Variants in RNF157 observed in about 807,000 individuals in gnomAD.
The protein encoded by RNF157 is E3 ubiquitin ligase RNF157.
A neutral mutation model predicts 88.3 loss-of-function variants in RNF157; 55 were observed. The observed-to-expected ratio is 0.62, with a 90% confidence interval of 0.50 to 0.78. The LOEUF is 0.78. Ranked by LOEUF, RNF157 falls within the 30% of genes least tolerant of loss-of-function variation. The pLI is 0.00. For synonymous variants in RNF157, 334 were observed against 341.2 expected, an observed-to-expected ratio of 0.98 and a Z score of 0.23; for missense variants, 788 against 860.8, an observed-to-expected ratio of 0.92 and a Z score of 1.06.
intron 2 of RNF157, among the ~76,000 whole-genome samples, chr17:76,193,256 C>G (rs1348765230): frequency 6.6e-6 from 1 of 152,138 alleles, no homozygotes; most frequent in African/African-American, 2.4e-5. Flanking sequence ...GTTTTGAAAA[C>G]CATACAGTGC....
At chr17:76,215,345 T>C (rs997162521) in intron 1 of RNF157, among the ~76,000 whole-genome samples, 2 of 151,910 alleles carry the variant, frequency 1.3e-5, no homozygotes, top group Admixed American at 6.6e-5. Context: ...CATGGTAGCA[T>C]GCGTCTGGAG....
At chr17:76,215,089 C>T (rs532689051) in intron 1 of RNF157, among the ~76,000 whole-genome samples, 1 of 152,272 alleles carries the variant, frequency 6.6e-6, no homozygotes, top group South Asian at 2.1e-4. Flanking sequence ...AAAAGGCTTG[C>T]TTGTGTATAA....
Position 76,161,977 on chromosome 17 carries a change from T to C in RNF157, c.818A>G (p.Asn273Ser). 4 of 1,614,022 alleles carry C rather than the reference T, an allele frequency of 2.5e-6. No individual in the cohort carries two copies. Among genetic ancestry groups the C allele is most frequent in the Non-Finnish European group, 3.4e-6 (4 of 1,179,960 alleles). The change falls in exon 10 of 19, where the codon AAC becomes AGC. Residue 273 changes from asparagine (N) to serine (S), a missense_variant. Physicochemically the swap from Asn to Ser is conservative, Grantham distance 46. Transcript: ENST00000269391. This position sits in a 1 kb window ranked among gnomAD's most constrained non-coding sequence, Gnocchi z 4.6. The part of the protein sequence containing the change: ...SKVAEDEVSD[N>S]SAECVVCLSD... ...GAGACACACCACACACTCGGCACTG[T>C]TATCACTCACTTCGTCTTCAGCCAC...
At chr17:76,192,923 C>T (rs2144950306) in intron 2 of RNF157, among the ~76,000 whole-genome samples, 1 of 151,200 alleles carries the variant, frequency 6.6e-6, no homozygotes, top group South Asian at 2.1e-4. Flanking sequence ...CTCAACCTCT[C>T]AGGCTCAAGT....
intron 2 of RNF157, 115 bp downstream of exon 2, chr17:76,212,249 C>T: frequency 1.4e-6 from 1 of 735,066 alleles, no homozygotes; most frequent in Admixed American, 2.0e-5. Flanking sequence ...GTGCATCTCT[C>T]TCAACTCAGA....
chr17:76,146,655 G>A lies in RNF157; in HGVS notation c.1922-1302C>T, dbSNP rs2068589837. On this transcript the variant is annotated intron_variant, in intron 18 of 18. Transcript: ENST00000269391. The surrounding 1 kb of genome is among the most constrained non-coding windows in gnomAD (Gnocchi z 4.2). ...TGCTCCTAAGTGCTCCCTGCAGCCT[G>A]AACTACTGCTCCACGCACACGTCAC... is the stretch of plus-strand genomic sequence containing the variant. 1 of 985,352 alleles carries A rather than the reference G, an allele frequency of 1.0e-6. No individual in the cohort carries two copies. The highest frequency in any genetic ancestry group is 4.7e-5 in the South Asian group (1 of 21,296). 61.0% of individuals were successfully genotyped at this position (985,352 alleles called of 1,614,324 possible).
chr17:76,177,421 C>T (rs2069122230), intron 2 of RNF157, among the ~76,000 whole-genome samples: 1 of 151,116 alleles, frequency 6.6e-6, no homozygotes, highest in African/African-American at 2.4e-5. Flanking sequence ...GGTGCTGTTG[C>T]AGCCAGGCTA....
intron 2 of RNF157, among the ~76,000 whole-genome samples, chr17:76,187,619 G>A (rs1010539368): frequency 6.7e-6 from 1 of 148,202 alleles, no homozygotes; most frequent in Non-Finnish European, 1.5e-5. Flanking sequence ...TCTGAGACAG[G>A]TTCTCACTCT....
At chr17:76,186,940 AAAATAAATAAATAAATAAAT>A (rs201615839) in intron 2 of RNF157, among the ~76,000 whole-genome samples, 1 of 140,818 alleles carries the variant, frequency 7.1e-6, no homozygotes, top group Non-Finnish European at 1.5e-5. Flanking sequence ...ACTCCGACTC[AAAATAAATAAATAAATAAAT>A]AAATAAATAA....
intron 4 of RNF157, 46 bp downstream of exon 4, chr17:76,167,605 G>C (rs755263225): frequency 6.2e-7 from 1 of 1,612,148 alleles, no homozygotes; most frequent in East Asian, 2.2e-5. Flanking sequence ...CCGTGGCCTG[G>C]TAATAATCTG....
chr17:76,155,667 G>C lies in RNF157; in HGVS notation c.1593C>G (p.Thr531=), dbSNP rs375411739. The C allele has an allele frequency of 4.3e-6, 7 of 1,613,292 alleles. No individual in the cohort carries two copies. In the East Asian group the frequency reaches 6.7e-5, roughly 15 times the overall value. ...TGTAGGAGCCAGACATGGAGGAGAC[G>C]GTGTCAGTGCTGATCTGGGAGGATG... ...SMASSQISTD[T]VSSMSGSYIA... Residue 531 remains threonine (T), a synonymous_variant, in exon 15 of 19, where the codon ACC becomes ACG. Coordinates refer to ENST00000269391, the MANE Select transcript of RNF157 (RefSeq NM_052916.3).
At chr17:76,236,002 C>T (rs1168508986) in intron 1 of RNF157, among the ~76,000 whole-genome samples, 1 of 152,154 alleles carries the variant, frequency 6.6e-6, no homozygotes, top group African/African-American at 2.4e-5. Flanking sequence ...GAGTGAGACC[C>T]TGTCTCTAAA....
chr17:76,160,202 C>T lies in RNF157; in HGVS notation c.1066-629G>A, dbSNP rs1218066457. 6.6e-6 allele frequency among the ~76,000 whole-genome samples: 1 copy of T among 152,176 alleles called. No individual in the cohort carries two copies. The highest frequency in any genetic ancestry group is 2.4e-5 in the African/African-American group (1 of 41,432). ...AGATCCCCTAAGTTTTCTAACTATTCTCCTAGTGCTGGGAATCTAGTTGTG... is the reference window on the plus strand; with the variant it reads ...AGATCCCCTAAGTTTTCTAACTATTTTCCTAGTGCTGGGAATCTAGTTGTG... On this transcript the variant is annotated intron_variant, in intron 11 of 18. Coordinates refer to ENST00000269391, the MANE Select transcript of RNF157 (RefSeq NM_052916.3). The surrounding 1 kb of genome is among the most constrained non-coding windows in gnomAD (Gnocchi z 4.3).
intron 1 of RNF157, among the ~76,000 whole-genome samples, chr17:76,228,960 C>T (rs1291197504): frequency 2.6e-5 from 4 of 151,772 alleles, no homozygotes; most frequent in Non-Finnish European, 4.4e-5. Context: ...AAAATTCACT[C>T]ACCCACCCAC....
At chr17:76,192,232 A>G (rs1209708627) in intron 2 of RNF157, among the ~76,000 whole-genome samples, 1 of 152,214 alleles carries the variant, frequency 6.6e-6, no homozygotes, top group Non-Finnish European at 1.5e-5. Context: ...GTTTGTTAAG[A>G]AACATGGCAT....
At position 76,176,101 on chromosome 17, in the gene RNF157, G is replaced by A. The variant is rs1005478903; in HGVS notation, c.208-2311C>T. The stretch of plus-strand genomic sequence containing the variant: ...TGTGCCTTGCTGGCCTTGCATTCAT[G>A]CAATCAGAGTCTACATGCAACACTC... On this transcript the variant is annotated intron_variant, in intron 2 of 18. Coordinates refer to ENST00000269391, the MANE Select transcript of RNF157 (RefSeq NM_052916.3). The surrounding 1 kb of genome is among the most constrained non-coding windows in gnomAD (Gnocchi z 4.2). Among the ~76,000 whole-genome samples, 6 of 152,184 alleles carry A rather than the reference G, an allele frequency of 3.9e-5. No individual in the cohort carries two copies. The highest frequency in any genetic ancestry group is 7.2e-5 in the African/African-American group (3 of 41,436).
rs2068593591 is a variant in RNF157, at chr17:76,146,870, G to T, written c.1922-1517C>A. On this transcript the variant is annotated intron_variant, in intron 18 of 18. Coordinates refer to ENST00000269391, the MANE Select transcript of RNF157 (RefSeq NM_052916.3). The surrounding 1 kb of genome is among the most constrained non-coding windows in gnomAD (Gnocchi z 4.2). ...AGGTTGAGAGAGGCCACTCACAAGT[G>T]TCCAGGGTCAGCCTCAGGCCAGCCC... is the stretch of plus-strand genomic sequence containing the variant. 4.1e-6 allele frequency: 4 copies of T among 985,340 alleles called. No individual in the cohort carries two copies. Among genetic ancestry groups the T allele is most frequent in the Admixed American group, 6.1e-5 (1 of 16,272 alleles). The allele number at this position is 985,340 out of a possible 1,614,324, so 61.0% of individuals were successfully genotyped here.
chr17:76,196,109 T>C (rs1598421682), intron 2 of RNF157, among the ~76,000 whole-genome samples: 2 of 152,210 alleles, frequency 1.3e-5, no homozygotes, highest in Admixed American at 6.5e-5. Context: ...GTAGCCCTGC[T>C]CTGCAGGAGC....
At position 76,146,836 on chromosome 17, in the gene RNF157, G is replaced by GTGGCC; in HGVS notation, c.1922-1488_1922-1484dup. 1.0e-6 allele frequency: 1 copy of GTGGCC among 985,472 alleles called. No individual in the cohort carries two copies. Among genetic ancestry groups the GTGGCC allele is most frequent in the Non-Finnish European group, 1.2e-6 (1 of 829,944 alleles). 61.0% of individuals were successfully genotyped at this position (985,472 alleles called of 1,614,324 possible). On this transcript the variant is annotated intron_variant, in intron 18 of 18. Coordinates refer to ENST00000269391, the MANE Select transcript of RNF157 (RefSeq NM_052916.3). This position sits in a 1 kb window ranked among gnomAD's most constrained non-coding sequence, Gnocchi z 4.2. The stretch of plus-strand genomic sequence containing the variant: ...GGACAAGGCCGACCAACTGTAGAGT[G>GTGGCC]TGGCCGTGAGGTTGAGAGAGGCCAC...
Sources: allele counts gnomAD v4.1 joint callset (sites outside exome capture counted in the v4.1 genomes callset), GRCh38; gene constraint gnomAD v4.1.1; non-coding constraint Gnocchi (gnomAD v3.1); transcripts MANE v1.5; gene names NCBI Gene and HGNC (gene_info 2026-07-23, HGNC 2026-07-21).